WDR77: variants seen among roughly 807,000 people sequenced by gnomAD.
WDR77 encodes the protein WD repeat domain 77.
A neutral mutation model predicts 44.0 loss-of-function variants in WDR77; 31 were observed. The observed-to-expected ratio is 0.70, with a 90% CI of 0.53 to 0.95. The LOEUF (loss-of-function observed/expected upper bound fraction) is 0.95. Among genes scored for constraint, WDR77 ranks in the 40% least tolerant of loss-of-function variants. The pLI, the probability that WDR77 is intolerant of heterozygous loss-of-function variation, is 0.00. For synonymous variants in WDR77, 186 were observed against 165.7 expected, an observed-to-expected ratio of 1.12 and a Z score of -0.94; for missense variants, 390 against 423.9, an observed-to-expected ratio of 0.92 and a Z score of 0.70.
chr1:111,447,668 A>C, intron 2 of WDR77, 92 bp from the exon 3 acceptor site: 1 of 1,473,636 alleles, frequency 6.8e-7, no homozygotes, highest in Non-Finnish European at 9.4e-7. Context: ...TCACTAAATT[A>C]ACAAAGTAAG....
At chr1:111,446,197 G>A (rs1653024154) in intron 4 of WDR77, among the ~76,000 whole-genome samples, 1 of 152,182 alleles carries the variant, frequency 6.6e-6, no homozygotes, top group East Asian at 1.9e-4. Context: ...GTTAGAAATG[G>A]CAGGGAAAGG....
intron 6 of WDR77, 28 bp downstream of exon 6, chr1:111,443,839 T>C (rs535222147): frequency 6.2e-7 from 1 of 1,613,976 alleles, no homozygotes; most frequent in African/African-American, 1.3e-5. Context: ...CCAAGTACTA[T>C]TCTCCCACCA....
Position 111,441,089 on chromosome 1 carries a change from G to T in WDR77, c.*141C>A. The T allele has an allele frequency of 1.1e-6, 1 of 937,604 alleles. No homozygotes were observed. Among genetic ancestry groups the T allele is most frequent in the Non-Finnish European group, 1.4e-6 (1 of 698,152 alleles). The allele number at this position is 937,604 out of a possible 1,614,324, so 58.1% of individuals were successfully genotyped here. ...GAACCCAGAATCCAGCCTCCCTCAG[G>T]CTGAGAGACGATGCCTATTAACGGC... On this transcript the variant is annotated 3_prime_UTR_variant, in exon 10 of 10. Coordinates refer to ENST00000235090, the MANE Select transcript of WDR77 (RefSeq NM_024102.4).
intron 4 of WDR77, among the ~76,000 whole-genome samples, chr1:111,444,713 G>C (rs1652954299): frequency 6.6e-6 from 1 of 152,160 alleles, no homozygotes; most frequent in Admixed American, 6.5e-5. Context: ...AAGAACCAAA[G>C]AGCAAAAAGA....
chr1:111,442,627 A>G, intron 8 of WDR77, 26 bp downstream of exon 8: 1 of 1,495,232 alleles, frequency 6.7e-7, no homozygotes, highest in Non-Finnish European at 9.0e-7. Flanking sequence ...TATACCCATC[A>G]GGCCCCTGAT....
At chr1:111,448,933 C>A in intron 1 of WDR77, 122 bp downstream of exon 1, 1 of 1,374,196 alleles carries the variant, frequency 7.3e-7, no homozygotes, top group South Asian at 1.2e-5. Flanking sequence ...GGGGACAGCT[C>A]GGTGACGCGA....
intron 4 of WDR77, among the ~76,000 whole-genome samples, chr1:111,444,440 C>A (rs886160135): frequency 1.3e-5 from 2 of 152,034 alleles, no homozygotes; most frequent in Non-Finnish European, 2.9e-5. Context: ...TCTAGAATAG[C>A]AGTCTTCATA....
chr1:111,447,390 C>T, intron 3 of WDR77, 45 bp downstream of exon 3: 1 of 1,611,336 alleles, frequency 6.2e-7, no homozygotes, highest in African/African-American at 1.3e-5. Flanking sequence ...AGGAAAGGCA[C>T]CCACAGGAGG....
chr1:111,449,229 G>A lies in WDR77; in HGVS notation c.-60C>T, dbSNP rs779964177. On this transcript the variant is annotated 5_prime_UTR_variant, in exon 1 of 10. Transcript: ENST00000235090. ...GGACGCCGGCCGGAGACTCCGCTCC[G>A]GCAGCAAACCCCACGTGGTGCACCT... 1.1e-5 allele frequency: 17 copies of A among 1,535,236 alleles called. No homozygotes were observed. The South Asian group carries it at 1.8e-4, about 16-fold the overall frequency.
chr1:111,448,067 C>T (rs1653123347), intron 2 of WDR77, among the ~76,000 whole-genome samples: 1 of 151,992 alleles, frequency 6.6e-6, no homozygotes, highest in Non-Finnish European at 1.5e-5. Flanking sequence ...ATAGAGAATC[C>T]GCCAAAAGTT....
At position 111,447,491 on chromosome 1, in the gene WDR77, A is replaced by G; in HGVS notation, c.387T>C (p.Ser129=). The part of the protein sequence containing the change: ...FCKYEHDDIV[S]TVSVLSSGTQ... ...TGCCAGAGCTCAAGACACTGACTGT[A>G]GACACAATGTCATCATGCTCATACT... The change falls in exon 3 of 10, where the codon TCT becomes TCC. Residue 129 remains serine (S), a synonymous_variant. Transcript: ENST00000235090. 4 of 1,614,230 alleles carry G rather than the reference A, an allele frequency of 2.5e-6. No homozygotes were observed. Among genetic ancestry groups the G allele is most frequent in the Non-Finnish European group, 3.4e-6 (4 of 1,180,026 alleles).
At chr1:111,444,622 C>T (rs930590138) in intron 4 of WDR77, among the ~76,000 whole-genome samples, 16 of 152,170 alleles carry the variant, frequency 1.1e-4, no homozygotes, top group African/African-American at 3.9e-4. Flanking sequence ...TGTCATTCAT[C>T]CCAGATCTTT....
chr1:111,441,985 C>G (rs778580490), intron 9 of WDR77, 40 bp downstream of exon 9: 1 of 1,589,280 alleles, frequency 6.3e-7, no homozygotes, highest in Non-Finnish European at 8.6e-7. Context: ...ACCCACTGCT[C>G]CCCTTCCCTG....
In WDR77 at chr1:111,448,808, CG is replaced by C. The variant is rs745865661; in HGVS notation, c.116-5del. ...GCCCCGAGGAGAAGCGCCCCATCTA[CG>C]GGGGGTACAAGCTGTCAGCGCGTGA... On this transcript the variant is annotated splice_polypyrimidine_tract_variant and splice_region_variant and intron_variant, in intron 1 of 9. Transcript: ENST00000235090. 2.5e-6 allele frequency: 4 copies of C among 1,569,712 alleles called. No individual in the cohort carries two copies. The highest frequency in any genetic ancestry group is 3.5e-6 in the Non-Finnish European group (4 of 1,156,770).
At position 111,443,333 on chromosome 1, in the gene WDR77, G is replaced by T; in HGVS notation, c.681C>A (p.Val227=). The part of the protein sequence containing the change: ...SLAWHPQQSE[V]FVFGDENGTV... ...GACACGCTGCCTTACCAAAGACAAA[G>T]ACTTCACTTTGCTGAGGATGCCAAG... Residue 227 remains valine (V), a synonymous_variant, in exon 7 of 10, where the codon GTC becomes GTA. Coordinates refer to ENST00000235090, the MANE Select transcript of WDR77 (RefSeq NM_024102.4). The T allele has an allele frequency of 2.6e-6, 4 of 1,551,776 alleles. No individual in the cohort carries two copies. The highest frequency in any genetic ancestry group is 1.2e-5 in the South Asian group (1 of 84,046).
rs751809382 is a variant in WDR77, at chr1:111,441,309, C to A, written c.950G>T (p.Gly317Val). The change falls in exon 10 of 10, where the codon GGC (glycine) becomes GTC (valine). Residue 317 changes from glycine (G) to valine (V), a missense_variant. Physicochemically the swap from Gly to Val is moderately radical, Grantham distance 109. Coordinates refer to ENST00000235090, the MANE Select transcript of WDR77 (RefSeq NM_024102.4). ...PLNHSLLTTV[G>V]WDHQVVHHVV... Reference sequence around the variant, plus strand: ...GTGGTGGACGACCTGATGGTCCCAGCCCACTGTGGTAAGCAGGGAGTGATT... The same window carrying A: ...GTGGTGGACGACCTGATGGTCCCAGACCACTGTGGTAAGCAGGGAGTGATT... The A allele has an allele frequency of 6.3e-7, 1 of 1,586,702 alleles. No individual in the cohort carries two copies.
intron 2 of WDR77, among the ~76,000 whole-genome samples, chr1:111,448,378 G>T (rs76526236): frequency 7.9e-5 from 12 of 152,144 alleles, no homozygotes; most frequent in African/African-American, 2.9e-4. Context: ...GAAGAAAAAT[G>T]GTTCCAATCC....
rs1652809912 is a variant in WDR77, at chr1:111,441,375, G to A, written c.884C>T (p.Ala295Val). 1.3e-6 allele frequency: 2 copies of A among 1,536,092 alleles called. No individual in the cohort carries two copies. The change falls in exon 10 of 10, where the codon GCC becomes GTC. Residue 295 changes from alanine (A) to valine (V), a missense_variant. By Grantham distance (64) the Ala-to-Val change is moderately conservative (BLOSUM62 0). Coordinates refer to ENST00000235090, the MANE Select transcript of WDR77 (RefSeq NM_024102.4). Reference sequence around the variant, plus strand: ...CGCATCTCTCACAAAGTCTCTGTGGGCTTGGCTTCTAAACCTAGAAGAAAG... The same window carrying A: ...CGCATCTCTCACAAAGTCTCTGTGGACTTGGCTTCTAAACCTAGAAGAAAG... The part of the protein sequence containing the change: ...SSLSELFRSQ[A>V]HRDFVRDATW...
Position 111,444,064 on chromosome 1 carries a change from G to C in WDR77, c.554C>G (p.Ser185Ter). 6.2e-7 allele frequency: 1 copy of C among 1,614,132 alleles called. No homozygotes were observed. The highest frequency in any genetic ancestry group is 8.5e-7 in the Non-Finnish European group (1 of 1,180,024). Residue 185 changes from serine to a stop codon, truncating the protein, a stop_gained, in exon 5 of 10, where the codon TCA (serine) becomes TGA (stop). Transcript: ENST00000235090. LOFTEE classifies it high-confidence loss of function. ...ASPHKDSVFL[S>*]CSEDNRILLW... is the part of the protein sequence containing the mutation. ...GGAGCTATCTCTTACCTCGCTGCATGAAAGAAACACAGAGTCCTTGTGAGG... is the reference window on the plus strand; with the variant it reads ...GGAGCTATCTCTTACCTCGCTGCATCAAAGAAACACAGAGTCCTTGTGAGG...
Sources: allele counts gnomAD v4.1 joint callset (sites outside exome capture counted in the v4.1 genomes callset), GRCh38; gene constraint gnomAD v4.1.1; transcripts MANE v1.5; gene names NCBI Gene and HGNC (gene_info 2026-07-23, HGNC 2026-07-21).